GUCY1A2: variants seen among roughly 807,000 people sequenced by gnomAD.
The protein encoded by GUCY1A2 is guanylate cyclase 1 soluble subunit alpha 2.
In GUCY1A2, 27 loss-of-function variants were observed where a neutral mutation model predicts 63.5. The ratio of observed to expected loss-of-function variants is 0.43; its 90% CI spans 0.31 to 0.59. The LOEUF (loss-of-function observed/expected upper bound fraction) is 0.59, where lower values mean the gene tolerates loss of function less well. GUCY1A2 is among the 20% of genes least tolerant of loss of function. The pLI is 0.11. For synonymous variants in GUCY1A2, 364 were observed against 343.5 expected (o/e 1.06, Z -0.66); for missense variants, 768 against 913.3 (o/e 0.84, Z 2.05).
intron 4 of GUCY1A2, among the ~76,000 whole-genome samples, chr11:106,933,735 C>G (rs763568591): frequency 1.1e-4 from 16 of 152,130 alleles, no homozygotes; most frequent in Non-Finnish European, 2.2e-4. Flanking sequence ...CAATGTAGTA[C>G]ATATATATCA....
At chr11:106,756,182 T>G (rs1262090165) in intron 6 of GUCY1A2, among the ~76,000 whole-genome samples, 1 of 152,198 alleles carries the variant, frequency 6.6e-6, no homozygotes, top group Non-Finnish European at 1.5e-5. Flanking sequence ...CTGCTTTTCT[T>G]TGCTTTCCAT....
chr11:106,676,478 C>T lies in GUCY1A2; in HGVS notation c.*11071G>A, dbSNP rs1315163165. 5.4e-6 allele frequency: 1 copy of T among 185,532 alleles called. No individual in the cohort carries two copies. Among genetic ancestry groups the T allele is most frequent in the Non-Finnish European group, 1.1e-5 (1 of 87,958 alleles). 11.5% of individuals were successfully genotyped at this position (185,532 alleles called of 1,614,324 possible). ...CAGCTATCTGAATATAGGTTTAAAA[C>T]CTCAAAGACACAGAGCTAAGAAATA... On this transcript the variant is annotated 3_prime_UTR_variant, in exon 8 of 8. Transcript: ENST00000526355.
intron 4 of GUCY1A2, chr11:106,827,870 G>C: frequency 1.3e-6 from 2 of 1,593,100 alleles, no homozygotes; most frequent in Non-Finnish European, 8.6e-7. Flanking sequence ...CTGCAGTCAT[G>C]GGAGGGCGCG....
chr11:106,728,828 G>A (rs1863451763), intron 6 of GUCY1A2, among the ~76,000 whole-genome samples: 1 of 152,130 alleles, frequency 6.6e-6, no homozygotes, highest in East Asian at 1.9e-4. Context: ...AGAAGTAGTG[G>A]ATGTTCAATA....
chr11:106,772,445 C>T (rs1187741412), intron 6 of GUCY1A2, among the ~76,000 whole-genome samples: 29 of 152,040 alleles, frequency 1.9e-4, no homozygotes, highest in Admixed American at 1.9e-3. Context: ...AGCTAGAAGG[C>T]AATTTAAAAT....
intron 3 of GUCY1A2, among the ~76,000 whole-genome samples, chr11:106,971,193 G>A (rs180808935): frequency 6.7e-6 from 1 of 148,744 alleles, no homozygotes; most frequent in East Asian, 2.0e-4. Context: ...CAGCAGAAGA[G>A]CTAAACTTAC....
chr11:106,681,281 T>C lies in GUCY1A2; in HGVS notation c.*6268A>G. ...TAATAATGAGCTCTTTTATCTTTAC[T>C]CTTTCATCTTCCAAGACCATATCAA... is the stretch of plus-strand genomic sequence containing the variant. On this transcript the variant is annotated 3_prime_UTR_variant, in exon 8 of 8. Coordinates refer to ENST00000526355, the MANE Select transcript of GUCY1A2 (RefSeq NM_000855.3). 4.5e-6 allele frequency: 1 copy of C among 223,714 alleles called. No individual in the cohort carries two copies. The highest frequency in any genetic ancestry group is 1.8e-4 in the South Asian group (1 of 5,458). 13.9% of individuals were successfully genotyped at this position (223,714 alleles called of 1,614,324 possible). A position where few individuals can be genotyped will look rare whatever the true frequency, so the allele number is the denominator to read the frequency against.
At chr11:106,804,031 C>T (rs1443141798) in intron 5 of GUCY1A2, among the ~76,000 whole-genome samples, 1 of 152,164 alleles carries the variant, frequency 6.6e-6, no homozygotes, top group Non-Finnish European at 1.5e-5. Flanking sequence ...CTTCCTACAG[C>T]ATATAAATGA....
At chr11:106,803,344 G>C (rs1379752981) in intron 5 of GUCY1A2, among the ~76,000 whole-genome samples, 2 of 152,054 alleles carry the variant, frequency 1.3e-5, no homozygotes, top group Non-Finnish European at 2.9e-5. Flanking sequence ...CACAAATAAT[G>C]CATTTCGGAA....
intron 1 of GUCY1A2, among the ~76,000 whole-genome samples, chr11:107,015,972 C>T (rs753053320): frequency 2.4e-4 from 37 of 151,990 alleles, no homozygotes; most frequent in Non-Finnish European, 1.5e-4. Flanking sequence ...AATATGTGTT[C>T]CTAAGAATTA....
intron 7 of GUCY1A2, among the ~76,000 whole-genome samples, chr11:106,697,088 T>A (rs1404494613): frequency 6.6e-6 from 1 of 152,174 alleles, no homozygotes; most frequent in Non-Finnish European, 1.5e-5. Flanking sequence ...TTATAGAGGA[T>A]CATACAAAGC....
chr11:106,810,329 G>T lies in GUCY1A2; in HGVS notation c.1356C>A (p.Val452=), dbSNP rs1858746611. 1.9e-6 allele frequency: 3 copies of T among 1,613,702 alleles called. No individual in the cohort carries two copies. The highest frequency in any genetic ancestry group is 1.3e-5 in the African/African-American group (1 of 74,882). Residue 452 remains valine (V), a synonymous_variant, in exon 5 of 8, where the codon GTC becomes GTA. Coordinates refer to ENST00000526355, the MANE Select transcript of GUCY1A2 (RefSeq NM_000855.3). ...CCTTTGCCTGCTCACCAACCAAAAT[G>T]ACATCTCGGGTGGCATCATGGATAG... ...DIPIHDATRD[V]ILVGEQAKAQ...
chr11:106,795,438 T>G, intron 5 of GUCY1A2, among the ~76,000 whole-genome samples: 1 of 152,194 alleles, frequency 6.6e-6, no homozygotes, highest in South Asian at 2.1e-4. Context: ...TATTAAACTC[T>G]GACTATCACA....
chr11:106,976,456 A>G (rs1043280741), intron 3 of GUCY1A2, among the ~76,000 whole-genome samples: 1 of 152,206 alleles, frequency 6.6e-6, no homozygotes, highest in African/African-American at 2.4e-5. Flanking sequence ...TAAACAAGCC[A>G]AGATTAATCA....
intron 6 of GUCY1A2, among the ~76,000 whole-genome samples, chr11:106,741,863 G>C (rs1389435693): frequency 2.0e-5 from 3 of 152,140 alleles, no homozygotes; most frequent in Non-Finnish European, 4.4e-5. Flanking sequence ...AATCCTTTTA[G>C]TTCTTAATCT....
intron 1 of GUCY1A2, among the ~76,000 whole-genome samples, chr11:106,986,540 G>T (rs1243608855): frequency 2.0e-5 from 3 of 152,120 alleles, no homozygotes; most frequent in Non-Finnish European, 4.4e-5. Flanking sequence ...GAAATCAAAT[G>T]GCACGTCTTC....
intron 1 of GUCY1A2, among the ~76,000 whole-genome samples, chr11:107,001,224 G>A (rs1004191784): frequency 2.6e-5 from 4 of 152,160 alleles, no homozygotes; most frequent in Non-Finnish European, 4.4e-5. Context: ...TGGGGATATA[G>A]AATTATAAGT....
At chr11:106,884,242 T>C (rs1859866402) in intron 4 of GUCY1A2, among the ~76,000 whole-genome samples, 1 of 152,156 alleles carries the variant, frequency 6.6e-6, no homozygotes, top group South Asian at 2.1e-4. Flanking sequence ...TGATAACATT[T>C]ACCAGGGCTC....
intron 6 of GUCY1A2, among the ~76,000 whole-genome samples, chr11:106,722,226 G>C (rs1409406517): frequency 6.6e-6 from 1 of 152,014 alleles, no homozygotes; most frequent in East Asian, 1.9e-4. Flanking sequence ...AACAAAGAAT[G>C]AGAAGCACCA....
Sources: allele counts gnomAD v4.1 joint callset (sites outside exome capture counted in the v4.1 genomes callset), GRCh38; gene constraint gnomAD v4.1.1; transcripts MANE v1.5; gene names NCBI Gene and HGNC (gene_info 2026-07-23, HGNC 2026-07-21).